The following LARGE1 variants were observed in gnomAD, a reference collection of about 807,000 sequenced individuals.
LARGE1 encodes xylosyl- and glucuronyltransferase LARGE1.
Under a neutral mutation model 87.6 loss-of-function variants are expected in LARGE1, and 43 were observed. That is an observed-to-expected ratio of 0.49 (90% CI 0.38 to 0.63). The LOEUF is 0.63. Among genes scored for constraint, LARGE1 ranks in the 30% least tolerant of loss-of-function variants. The probability of loss-of-function intolerance (pLI) is 0.00; values close to 1 mark genes in which losing one functional copy is unlikely to be tolerated. For missense variants in LARGE1, 802 were observed against 1,000.2 expected (o/e 0.80, Z 2.67); for synonymous variants, 434 against 394.6 (o/e 1.10, Z -1.18).
chr22:33,644,949 G>A (rs1202077223), intron 3 of LARGE1, among the ~76,000 whole-genome samples: 3 of 152,180 alleles, frequency 2.0e-5, no homozygotes, highest in Admixed American at 6.5e-5. Context: ...CTCATGGATA[G>A]GAAAATCAAT....
At chr22:33,730,129 C>T (rs1276502935) in intron 2 of LARGE1, among the ~76,000 whole-genome samples, 4 of 152,082 alleles carry the variant, frequency 2.6e-5, no homozygotes, top group African/African-American at 9.7e-5. Flanking sequence ...CCTGAGACAG[C>T]AAGACCAATC....
chr22:33,853,211 A>G (rs1177696800), intron 1 of LARGE1, among the ~76,000 whole-genome samples: 1 of 152,190 alleles, frequency 6.6e-6, no homozygotes, highest in Non-Finnish European at 1.5e-5. Flanking sequence ...AACCAGGTGG[A>G]ACGTGGGTCT....
the LARGE1 span, among the ~76,000 whole-genome samples, chr22:33,141,529 A>G: frequency 6.6e-6 from 1 of 151,982 alleles, no homozygotes; most frequent in Non-Finnish European, 1.5e-5. Flanking sequence ...TATAAAATAC[A>G]TATAATTTAT....
chr22:33,679,024 C>T (rs548404167), intron 2 of LARGE1, among the ~76,000 whole-genome samples: 5 of 152,288 alleles, frequency 3.3e-5, no homozygotes, highest in Middle Eastern at 3.4e-3. Flanking sequence ...CAGCAGGTAG[C>T]GGTGGGGACC....
intron 11 of LARGE1, among the ~76,000 whole-genome samples, chr22:33,224,756 A>G (rs1356585306): frequency 6.6e-6 from 1 of 152,210 alleles, no homozygotes; most frequent in East Asian, 1.9e-4. Flanking sequence ...CTTGTTAGCA[A>G]CAGGACAAAA....
chr22:33,468,890 C>T (rs1235614199), intron 6 of LARGE1, among the ~76,000 whole-genome samples: 1 of 152,188 alleles, frequency 6.6e-6, no homozygotes, highest in Non-Finnish European at 1.5e-5. Context: ...TATTTGCCTC[C>T]GACTTACACC....
chr22:33,583,887 A>G (rs1379857173), intron 5 of LARGE1, among the ~76,000 whole-genome samples: 1 of 152,166 alleles, frequency 6.6e-6, no homozygotes, highest in East Asian at 1.9e-4. Flanking sequence ...TAGGCATTCC[A>G]TTTATTTGCT....
At chr22:33,354,015 A>G (rs1940656650) in intron 9 of LARGE1, among the ~76,000 whole-genome samples, 1 of 152,246 alleles carries the variant, frequency 6.6e-6, no homozygotes, top group Non-Finnish European at 1.5e-5. Flanking sequence ...AAAATCTGTA[A>G]CACACAGCTT....
chr22:33,543,707 G>C (rs565776958), intron 6 of LARGE1, among the ~76,000 whole-genome samples: 2 of 152,346 alleles, frequency 1.3e-5, no homozygotes, highest in African/African-American at 2.4e-5. Context: ...GCTGGAACTA[G>C]AGACTCCAAC....
At chr22:33,831,464 C>T (rs749328191) in intron 1 of LARGE1, among the ~76,000 whole-genome samples, 3 of 152,108 alleles carry the variant, frequency 2.0e-5, no homozygotes, top group Admixed American at 2.0e-4. Flanking sequence ...GGAGCCCTGC[C>T]GTGAGGACGG....
At chr22:33,687,159 T>G (rs2081969922) in intron 2 of LARGE1, among the ~76,000 whole-genome samples, 1 of 151,754 alleles carries the variant, frequency 6.6e-6, no homozygotes, top group African/African-American at 2.4e-5. Flanking sequence ...CTTCCTTTTT[T>G]TTTTTTTTTT....
chr22:33,848,044 C>T (rs1489874279), intron 1 of LARGE1, among the ~76,000 whole-genome samples: 3 of 152,170 alleles, frequency 2.0e-5, no homozygotes, highest in Admixed American at 6.5e-5. Context: ...TGCTTCATGA[C>T]TAGGAGCTTA....
chr22:33,180,377 A>T (rs959499409), intron 11 of LARGE1, among the ~76,000 whole-genome samples: 1 of 152,232 alleles, frequency 6.6e-6, no homozygotes, highest in African/African-American at 2.4e-5. Flanking sequence ...ATTAGATACC[A>T]CTTAGGCCCA....
At chr22:33,440,649 T>C (rs2067432411) in intron 6 of LARGE1, among the ~76,000 whole-genome samples, 2 of 152,212 alleles carry the variant, frequency 1.3e-5, no homozygotes, top group Admixed American at 6.5e-5. Context: ...TATAATATCA[T>C]ATTACCGTTT....
intron 12 of LARGE1, among the ~76,000 whole-genome samples, chr22:33,287,201 C>CT (rs1376799628): frequency 1.3e-5 from 2 of 152,122 alleles, no homozygotes; most frequent in Non-Finnish European, 2.9e-5. Flanking sequence ...CTTTGTTTTT[C>CT]TTTGATTTGT....
chr22:33,289,028 G>A (rs150991633), intron 12 of LARGE1, among the ~76,000 whole-genome samples: 4,826 of 151,834 alleles, frequency 0.032, 245 homozygotes, highest in African/African-American at 0.11. Flanking sequence ...GTGCGATCTC[G>A]GCTCACTGCA....
chr22:33,220,253 A>C (rs1002759689), intron 11 of LARGE1, among the ~76,000 whole-genome samples: 1 of 152,228 alleles, frequency 6.6e-6, no homozygotes, highest in Non-Finnish European at 1.5e-5. Context: ...CAAAATGACC[A>C]TCTCTCTAGG....
chr22:33,082,403 T>C, the LARGE1 span, among the ~76,000 whole-genome samples: 2 of 152,200 alleles, frequency 1.3e-5, no homozygotes, highest in African/African-American at 4.8e-5. Context: ...AGGGATCTAA[T>C]GTATTGCAGC....
At chr22:33,562,604 A>G (rs2077893957) in intron 6 of LARGE1, among the ~76,000 whole-genome samples, 1 of 152,218 alleles carries the variant, frequency 6.6e-6, no homozygotes, top group Non-Finnish European at 1.5e-5. Context: ...TGAATCTGAG[A>G]GTCCTCCAAA....
Sources: allele counts gnomAD v4.1 joint callset (sites outside exome capture counted in the v4.1 genomes callset), GRCh38; gene constraint gnomAD v4.1.1; transcripts MANE v1.5; gene names NCBI Gene and HGNC (gene_info 2026-07-23, HGNC 2026-07-21).